Variants in LIPA observed in about 807,000 individuals in gnomAD.
The protein encoded by LIPA is lipase A, lysosomal acid type.
Under a neutral mutation model 40.6 loss-of-function variants are expected in LIPA, and 26 were observed. The ratio of observed to expected loss-of-function variants is 0.64; its 90% CI spans 0.47 to 0.89. The LOEUF is 0.89. LIPA is among the 40% of genes least tolerant of loss of function. LIPA has a pLI of 0.00. For synonymous variants in LIPA, 188 were observed against 168.4 expected, an observed-to-expected ratio of 1.12 and a Z score of -0.90; for missense variants, 455 against 479.6, an observed-to-expected ratio of 0.95 and a Z score of 0.48.
chr10:89,329,554 T>C (rs1395393633), intron 1 of LIPA, among the ~76,000 whole-genome samples: 1 of 151,986 alleles, frequency 6.6e-6, no homozygotes, highest in Non-Finnish European at 1.5e-5. Flanking sequence ...ATTGGGCTGC[T>C]CCTCCCCAGT....
intron 1 of LIPA, chr10:89,340,139 G>A: frequency 6.4e-7 from 1 of 1,565,784 alleles, no homozygotes; most frequent in Non-Finnish European, 8.7e-7. Context: ...GACAGAGGAG[G>A]AAAACAGAGC....
At chr10:89,239,405 C>A (rs749836922) in intron 3 of LIPA, among the ~76,000 whole-genome samples, 6 of 152,234 alleles carry the variant, frequency 3.9e-5, no homozygotes, top group Non-Finnish European at 7.3e-5. Flanking sequence ...AGTTCTTACA[C>A]CCTAGAATTG....
upstream of LIPA, among the ~76,000 whole-genome samples, chr10:89,346,308 A>G (rs915459726): frequency 2.1e-4 from 32 of 152,230 alleles, no homozygotes; most frequent in Non-Finnish European, 1.5e-4. Context: ...CAGGAAACTA[A>G]CAGTGACAAC....
intron 5 of LIPA, 39 bp from the exon 6 acceptor site, chr10:89,225,267 C>T: frequency 1.9e-6 from 3 of 1,612,974 alleles, no homozygotes; most frequent in Non-Finnish European, 1.7e-6. Context: ...ATTCCATCAT[C>T]TGGGATTTCC....
rs150415734 is a variant in LIPA, at chr10:89,223,855, A to G, written c.676-25T>C. The G allele has an allele frequency of 5.2e-5, 84 of 1,613,000 alleles. No individual in the cohort carries two copies. The African/African-American group carries it at 1.1e-3, about 20-fold the overall frequency. Reference sequence around the variant, plus strand: ...CCTACAAAATAAAAAGAAACCCAAGAACATCTCAGCATTTCACTCTGGTGC... The same window carrying G: ...CCTACAAAATAAAAAGAAACCCAAGGACATCTCAGCATTTCACTCTGGTGC... On this transcript the variant is annotated intron_variant, in intron 6 of 9. Transcript: ENST00000336233.
chr10:89,385,776 T>G (rs1433981150), intron 2 of LIPA, among the ~76,000 whole-genome samples: 1 of 152,208 alleles, frequency 6.6e-6, no homozygotes, highest in Non-Finnish European at 1.5e-5. Context: ...TCACAAGGGA[T>G]CTACGTGACC....
upstream of LIPA, chr10:89,414,661 G>A (rs913189161): frequency 1.4e-5 from 13 of 924,894 alleles, no homozygotes; most frequent in South Asian, 2.0e-5. Flanking sequence ...CCGCGCGGCC[G>A]AGTCCAGGGG....
At chr10:89,223,922 C>A in intron 6 of LIPA, 92 bp from the exon 7 acceptor site, 1 of 1,292,610 alleles carries the variant, frequency 7.7e-7, no homozygotes, top group East Asian at 2.3e-5. Context: ...GACAAGTACC[C>A]AATGTCTCCA....
intron 2 of LIPA, among the ~76,000 whole-genome samples, chr10:89,359,285 ATAAC>A (rs1401892580): frequency 6.6e-6 from 1 of 152,214 alleles, no homozygotes; most frequent in African/African-American, 2.4e-5. Flanking sequence ...CAAAATATAT[ATAAC>A]TATTATGTCT....
intron 2 of LIPA, among the ~76,000 whole-genome samples, chr10:89,349,128 A>T (rs1843942891): frequency 6.6e-6 from 1 of 152,182 alleles, no homozygotes; most frequent in Non-Finnish European, 1.5e-5. Flanking sequence ...TCCAAAAGGA[A>T]CTCAGATGTC....
At chr10:89,219,172 GA>G (rs200110742) in intron 8 of LIPA, among the ~76,000 whole-genome samples, 3 of 146,322 alleles carry the variant, frequency 2.1e-5, no homozygotes, top group South Asian at 2.1e-4. Context: ...TTCCTTTAAA[GA>G]AAAAAAAAAG....
intron 2 of LIPA, chr10:89,402,808 G>A (rs1844454659): frequency 6.2e-7 from 1 of 1,614,098 alleles, no homozygotes; most frequent in South Asian, 1.1e-5. Flanking sequence ...CCTGAATCCA[G>A]CGCTGGGTAT....
intron 2 of LIPA, chr10:89,412,544 C>G (rs304441): frequency 5.7e-6 from 1 of 176,692 alleles, no homozygotes; most frequent in Non-Finnish European, 1.2e-5. Flanking sequence ...TCTGCTTCCA[C>G]GTCGTGGAAG....
intron 6 of LIPA, among the ~76,000 whole-genome samples, chr10:89,224,412 T>C (rs1842740410): frequency 6.6e-6 from 1 of 152,226 alleles, no homozygotes; most frequent in Non-Finnish European, 1.5e-5. Context: ...CCTATTTAAG[T>C]CTTCTAAATG....
chr10:89,309,824 T>C (rs780893718), intron 1 of LIPA, among the ~76,000 whole-genome samples: 3 of 152,224 alleles, frequency 2.0e-5, no homozygotes, highest in Admixed American at 6.5e-5. Flanking sequence ...GAATAACAAA[T>C]GAAGTCACAT....
chr10:89,228,157 G>A lies in LIPA; in HGVS notation c.428+43C>T, dbSNP rs372937657. On this transcript the variant is annotated intron_variant, in intron 4 of 9. Coordinates refer to ENST00000336233, the MANE Select transcript of LIPA (RefSeq NM_000235.4). Reference sequence around the variant, plus strand: ...TGGAAGCCTGTTGTCTGCTTTAAGAGTACTAAGGAAATACATCCATGCCAT... The same window carrying A: ...TGGAAGCCTGTTGTCTGCTTTAAGAATACTAAGGAAATACATCCATGCCAT... The A allele has an allele frequency of 2.6e-6, 4 of 1,537,406 alleles. No individual in the cohort carries two copies. In the South Asian group the frequency reaches 3.3e-5, roughly 13 times the overall value.
At chr10:89,384,879 G>A in intron 2 of LIPA, 1 of 702,752 alleles carries the variant, frequency 1.4e-6, no homozygotes, top group Non-Finnish European at 2.3e-6. Context: ...CCTGAGTTAT[G>A]TAGCATGCAA....
At chr10:89,218,648 G>A (rs1354626117) in intron 8 of LIPA, among the ~76,000 whole-genome samples, 2 of 152,154 alleles carry the variant, frequency 1.3e-5, no homozygotes, top group Non-Finnish European at 2.9e-5. Flanking sequence ...GCCTTCCTGT[G>A]AGTTGGAAGA....
At chr10:89,282,203 G>C (rs936864781) in intron 1 of LIPA, among the ~76,000 whole-genome samples, 6 of 152,166 alleles carry the variant, frequency 3.9e-5, no homozygotes, top group Non-Finnish European at 7.3e-5. Context: ...GGTCCTGGAA[G>C]GATCATCCAG....
Sources: allele counts gnomAD v4.1 joint callset (sites outside exome capture counted in the v4.1 genomes callset), GRCh38; gene constraint gnomAD v4.1.1; transcripts MANE v1.5; gene names NCBI Gene and HGNC (gene_info 2026-07-23, HGNC 2026-07-21).